The following ABLIM2 variants were observed in gnomAD, a reference collection of about 807,000 sequenced individuals.
The protein encoded by ABLIM2 is actin binding LIM protein family member 2.
Under a neutral mutation model 97.7 loss-of-function variants are expected in ABLIM2, and 53 were observed. The observed-to-expected ratio is 0.54, with a 90% CI of 0.44 to 0.68. ABLIM2 has a LOEUF of 0.68. Among genes scored for constraint, ABLIM2 ranks in the 30% least tolerant of loss-of-function variants. The pLI, the probability that ABLIM2 is intolerant of heterozygous loss-of-function variation, is 0.00. For synonymous variants in ABLIM2, 361 were observed against 345.8 expected (o/e 1.04, Z -0.49); for missense variants, 835 against 867.2 (o/e 0.96, Z 0.47).
chr4:8,021,272 A>C lies in ABLIM2; in HGVS notation c.1268-969T>G, dbSNP rs1773508822. 6.6e-6 allele frequency among the ~76,000 whole-genome samples: 1 copy of C among 152,242 alleles called. No individual in the cohort carries two copies. The highest frequency in any genetic ancestry group is 1.5e-5 in the Non-Finnish European group (1 of 68,048). On this transcript the variant is annotated intron_variant, in intron 12 of 20. Coordinates refer to ENST00000447017, the MANE Select transcript of ABLIM2 (RefSeq NM_001130083.2). The surrounding 1 kb of genome is among the most constrained non-coding windows in gnomAD (Gnocchi z 5.5). Reference sequence around the variant, plus strand: ...TCTGTTTTGCGAACAAGGTTGGATTATCAAGTCACGCATCCAGAGGGCCGA... The same window carrying C: ...TCTGTTTTGCGAACAAGGTTGGATTCTCAAGTCACGCATCCAGAGGGCCGA...
At chr4:8,038,747 C>T (rs1786168053) in intron 9 of ABLIM2, among the ~76,000 whole-genome samples, 2 of 152,200 alleles carry the variant, frequency 1.3e-5, no homozygotes, top group Non-Finnish European at 2.9e-5. Flanking sequence ...GTTCAAAAGA[C>T]CCGAGATCCA....
In ABLIM2 at chr4:8,044,945, AG is replaced by A. The variant is rs1182766815; in HGVS notation, c.900+218del. 6.6e-6 allele frequency among the ~76,000 whole-genome samples: 1 copy of A among 152,210 alleles called. No individual in the cohort carries two copies. The highest frequency in any genetic ancestry group is 1.5e-5 in the Non-Finnish European group (1 of 68,042). On this transcript the variant is annotated intron_variant, in intron 9 of 20. Coordinates refer to ENST00000447017, the MANE Select transcript of ABLIM2 (RefSeq NM_001130083.2). This position sits in a 1 kb window ranked among gnomAD's most constrained non-coding sequence, Gnocchi z 4.4. ...ACCAGATAATTGGGGACAGGTTCCC[AG>A]GGGAATTGCCGGGTCAAACAAACAT...
Position 8,001,434 on chromosome 4 carries a change from C to T in ABLIM2, c.1618+6625G>A, listed in dbSNP as rs115782768. On this transcript the variant is annotated intron_variant, in intron 16 of 20. Transcript: ENST00000447017. This position sits in a 1 kb window ranked among gnomAD's most constrained non-coding sequence, Gnocchi z 4.2. The stretch of plus-strand genomic sequence containing the variant: ...TAGTCCCCAGGCAACCCAACGGCAG[C>T]GGCTGCTCCCTGGGGCTCCAGAGCC... 3.7e-3 allele frequency among the ~76,000 whole-genome samples: 562 copies of T among 152,244 alleles called. 5 individuals are homozygous for T. Among genetic ancestry groups the T allele is most frequent in the African/African-American group, 0.013 (536 of 41,542 alleles).
chr4:8,013,056 G>A (rs781099704), intron 14 of ABLIM2, among the ~76,000 whole-genome samples: 1 of 152,238 alleles, frequency 6.6e-6, no homozygotes, highest in East Asian at 1.9e-4. Flanking sequence ...CAGTGAAGTC[G>A]AGGCAGAGGT....
intron 2 of ABLIM2, among the ~76,000 whole-genome samples, chr4:8,104,585 C>T (rs1408363076): frequency 2.0e-5 from 3 of 152,164 alleles, no homozygotes; most frequent in Non-Finnish European, 4.4e-5. Flanking sequence ...AAGGTCGGGG[C>T]TGGGGTCTGC....
chr4:7,993,895 G>A, intron 16 of ABLIM2: 1 of 507,690 alleles, frequency 2.0e-6, no homozygotes, highest in Non-Finnish European at 3.9e-6. Context: ...GCTGGCCCTG[G>A]GTGGGCCTGG....
intron 8 of ABLIM2, among the ~76,000 whole-genome samples, chr4:8,048,736 G>A (rs1342113875): frequency 6.6e-6 from 1 of 152,170 alleles, no homozygotes; most frequent in Non-Finnish European, 1.5e-5. Context: ...CCACCACTGA[G>A]GCCTCAGTCT....
chr4:8,071,753 G>A lies in ABLIM2; in HGVS notation c.675+5875C>T, dbSNP rs949292129. The A allele has an allele frequency of 1.5e-5, 15 of 984,410 alleles. No homozygotes were observed. The Admixed American group carries it at 1.9e-4, about 12-fold the overall frequency. 61.0% of individuals were successfully genotyped at this position (984,410 alleles called of 1,614,324 possible). A position where few individuals can be genotyped will look rare whatever the true frequency, so the allele number is the denominator to read the frequency against. On this transcript the variant is annotated intron_variant, in intron 6 of 20. Coordinates refer to ENST00000447017, the MANE Select transcript of ABLIM2 (RefSeq NM_001130083.2). The surrounding 1 kb of genome is among the most constrained non-coding windows in gnomAD (Gnocchi z 6.2). ...GCCCCCATCAGCCCCTTGGAGTTGC[G>A]GGCCAGGTTTCCTACCTGCACAGCT...
rs1034931443 is a variant in ABLIM2, at chr4:8,022,904, C to T, written c.1268-2601G>A. Reference sequence around the variant, plus strand: ...GCCCTTTCGAAAAGTCTTCCTTCTCCTCTTCTTCCTCCTCCACTTTTTCCT... The same window carrying T: ...GCCCTTTCGAAAAGTCTTCCTTCTCTTCTTCTTCCTCCTCCACTTTTTCCT... On this transcript the variant is annotated intron_variant, in intron 12 of 20. Coordinates refer to ENST00000447017, the MANE Select transcript of ABLIM2 (RefSeq NM_001130083.2). This position sits in a 1 kb window ranked among gnomAD's most constrained non-coding sequence, Gnocchi z 7.8. 6.5e-5 allele frequency: 10 copies of T among 153,658 alleles called. No homozygotes were observed. The highest frequency in any genetic ancestry group is 1.0e-4 in the Non-Finnish European group (7 of 68,910). The allele number at this position is 153,658 out of a possible 1,614,324, so 9.5% of individuals were successfully genotyped here. A position where few individuals can be genotyped will look rare whatever the true frequency, so the allele number is the denominator to read the frequency against.
intron 1 of ABLIM2, among the ~76,000 whole-genome samples, chr4:8,153,963 C>CTTTTTT (rs55681745): frequency 1.5e-5 from 2 of 131,870 alleles, no homozygotes; most frequent in African/African-American, 2.8e-5. Flanking sequence ...AACTTCTTTT[C>CTTTTTT]TTTTTTTTTT....
chr4:8,107,977 T>C (rs1404870942), intron 1 of ABLIM2, among the ~76,000 whole-genome samples: 1 of 152,178 alleles, frequency 6.6e-6, no homozygotes, highest in Admixed American at 6.5e-5. Flanking sequence ...CCTTGGGAAC[T>C]AGAAAAGGCA....
intron 6 of ABLIM2, among the ~76,000 whole-genome samples, chr4:8,076,675 T>C (rs921973139): frequency 7.0e-6 from 1 of 143,438 alleles, no homozygotes; most frequent in Admixed American, 7.1e-5. Flanking sequence ...AATCCAGGGA[T>C]GGGGACAGTC....
Position 8,095,175 on chromosome 4 carries a change from C to T in ABLIM2, c.338+1924G>A, listed in dbSNP as rs1265778387. ...CTGGAGAGCAGTGGTGCAATCATAG[C>T]TCACTGCAGCCTCAAAATCCTGGGC... On this transcript the variant is annotated intron_variant, in intron 3 of 20. Transcript: ENST00000447017. The surrounding 1 kb of genome is among the most constrained non-coding windows in gnomAD (Gnocchi z 4.7). Among the ~76,000 whole-genome samples, 1 of 151,862 alleles carries T rather than the reference C, an allele frequency of 6.6e-6. No homozygotes were observed. The highest frequency in any genetic ancestry group is 1.9e-4 in the East Asian group (1 of 5,180).
At chr4:8,099,628 G>A (rs1833474055) in intron 2 of ABLIM2, among the ~76,000 whole-genome samples, 1 of 152,092 alleles carries the variant, frequency 6.6e-6, no homozygotes, top group South Asian at 2.1e-4. Flanking sequence ...GGCAGATCAC[G>A]AGGTCAGGAG....
chr4:8,136,142 G>C (rs77310398), intron 1 of ABLIM2, among the ~76,000 whole-genome samples: 10 of 152,252 alleles, frequency 6.6e-5, no homozygotes, highest in African/African-American at 2.2e-4. Context: ...ATAAAATCCC[G>C]ACAGAGGCTA....
rs893525601 is a variant in ABLIM2, at chr4:8,150,895, A to G, written c.10+7785T>C. On this transcript the variant is annotated intron_variant, in intron 1 of 20. Transcript: ENST00000447017. The surrounding 1 kb of genome is among the most constrained non-coding windows in gnomAD (Gnocchi z 6.3). ...GCCTAGGGTGTGGCTGATGATGCCA[A>G]AGCGGCTCCCACGGGGCACGACGTC... Among the ~76,000 whole-genome samples the G allele has an allele frequency of 6.6e-6, 1 of 152,086 alleles. No homozygotes were observed. The highest frequency in any genetic ancestry group is 1.5e-5 in the Non-Finnish European group (1 of 68,008).
rs776009342 is a variant in ABLIM2, at chr4:8,132,532, G to C, written c.11-25895C>G. On this transcript the variant is annotated intron_variant, in intron 1 of 20. Transcript: ENST00000447017. This position sits in a 1 kb window ranked among gnomAD's most constrained non-coding sequence, Gnocchi z 8.0. ...GGCCCCCAGCTCCCTCTGAGTGCTG[G>C]ATGCCTCCGTGGGGATGCTCCAGGC... 3.3e-5 allele frequency among the ~76,000 whole-genome samples: 5 copies of C among 151,886 alleles called. No homozygotes were observed. Among genetic ancestry groups the C allele is most frequent in the Non-Finnish European group, 5.9e-5 (4 of 67,960 alleles).
At position 8,046,390 on chromosome 4, in the gene ABLIM2, T is replaced by C. The variant is rs779581171; in HGVS notation, c.823-1149A>G. On this transcript the variant is annotated intron_variant, in intron 8 of 20. Transcript: ENST00000447017. The surrounding 1 kb of genome is among the most constrained non-coding windows in gnomAD (Gnocchi z 4.4). ...CCTCTCCTGGTTCAGCCCTCACTCC[T>C]GGGCCACCTGCCTGGCCTTCCCCAC... Among the ~76,000 whole-genome samples, 76 of 152,162 alleles carry C rather than the reference T, an allele frequency of 5.0e-4. No homozygotes were observed. The highest frequency in any genetic ancestry group is 9.7e-4 in the Non-Finnish European group (66 of 67,988).
In ABLIM2 at chr4:8,068,084, G is replaced by A. The variant is rs370187504; in HGVS notation, c.676-7030C>T. 8.6e-5 allele frequency among the ~76,000 whole-genome samples: 13 copies of A among 151,576 alleles called. No individual in the cohort carries two copies. The highest frequency in any genetic ancestry group is 2.1e-4 in the South Asian group (1 of 4,820). ...CCCATTCTCTCATAGTGACTGGGGC[G>A]TCCCAGTCATCGGTACAGTGGCCAC... On this transcript the variant is annotated intron_variant, in intron 6 of 20. Coordinates refer to ENST00000447017, the MANE Select transcript of ABLIM2 (RefSeq NM_001130083.2). The surrounding 1 kb of genome is among the most constrained non-coding windows in gnomAD (Gnocchi z 4.5).
Sources: gnomAD v4.1 joint callset for allele counts (sites outside exome capture counted in the v4.1 genomes callset) on GRCh38, gnomAD v4.1.1 for gene constraint, Gnocchi (gnomAD v3.1) non-coding constraint, MANE v1.5 for transcripts, NCBI Gene and HGNC (gene_info 2026-07-23, HGNC 2026-07-21) for gene names.